The following GK5 variants were observed in gnomAD, a reference collection of about 807,000 sequenced individuals.
GK5 encodes ATP:glycerol 3-phosphotransferase 5.
GK5 carries 39 observed loss-of-function variants against 77.3 expected under a neutral mutation model. That is an observed-to-expected ratio of 0.50 (90% confidence interval 0.39 to 0.66). The LOEUF (loss-of-function observed/expected upper bound fraction) is 0.66. Ranked by LOEUF, GK5 falls within the 30% of genes least tolerant of loss-of-function variation. GK5 has a pLI of 0.00. For missense variants in GK5, 487 were observed against 633.8 expected (o/e 0.77, Z 2.49); for synonymous variants, 211 against 208.0 (o/e 1.01, Z -0.13).
chr3:142,204,574 G>A (rs757520938), intron 4 of GK5, 121 bp downstream of exon 4: 3 of 745,386 alleles, frequency 4.0e-6, no homozygotes, highest in South Asian at 1.4e-5. Context: ...ACTGGAATGG[G>A]GAGTGTGTGC....
intron 3 of GK5, among the ~76,000 whole-genome samples, chr3:142,209,040 TC>T (rs2064153623): frequency 6.6e-6 from 1 of 151,836 alleles, no homozygotes; most frequent in African/African-American, 2.4e-5. Flanking sequence ...TCCCAGCTCC[TC>T]GGGAGGCTGA....
At chr3:142,211,938 C>T (rs1231978582) in intron 3 of GK5, among the ~76,000 whole-genome samples, 2 of 152,206 alleles carry the variant, frequency 1.3e-5, no homozygotes, top group African/African-American at 2.4e-5. Context: ...CTTCTACCTA[C>T]TCTCACTACT....
At chr3:142,168,161 A>C (rs1036862364) in intron 15 of GK5, among the ~76,000 whole-genome samples, 9 of 152,246 alleles carry the variant, frequency 5.9e-5, no homozygotes, top group Non-Finnish European at 1.2e-4. Context: ...AAAAATGCTT[A>C]TGAGACCTTG....
chr3:142,176,834 TG>T (rs1168939110), intron 12 of GK5, among the ~76,000 whole-genome samples: 22 of 152,052 alleles, frequency 1.4e-4, no homozygotes, highest in African/African-American at 5.1e-4. Context: ...GCTAATTTTT[TG>T]CATTTTTAGT....
chr3:142,180,138 T>C (rs6764361), intron 11 of GK5, among the ~76,000 whole-genome samples: 54,013 of 151,866 alleles, frequency 0.36, 10,816 homozygotes, highest in African/African-American at 0.54. Flanking sequence ...GCTAAGAGTA[T>C]GGGGGGAAAT....
intron 15 of GK5, 159 bp downstream of exon 15, chr3:142,170,166 G>C: frequency 1.3e-6 from 1 of 787,740 alleles, no homozygotes; most frequent in Non-Finnish European, 2.3e-6. Flanking sequence ...AACAGAGGAG[G>C]TCACAGGATA....
At chr3:142,174,811 A>T (rs1409963122) in intron 12 of GK5, among the ~76,000 whole-genome samples, 1 of 152,248 alleles carries the variant, frequency 6.6e-6, no homozygotes, top group African/African-American at 2.4e-5. Flanking sequence ...TGGTCCAATC[A>T]GATTCTCTGC....
chr3:142,199,140 T>C (rs1388424730), intron 4 of GK5, among the ~76,000 whole-genome samples: 1 of 152,162 alleles, frequency 6.6e-6, no homozygotes, highest in Non-Finnish European at 1.5e-5. Flanking sequence ...CATATCTACT[T>C]TGAATTATTT....
intron 1 of GK5, among the ~76,000 whole-genome samples, chr3:142,215,954 G>A (rs1346380642): frequency 2.0e-5 from 3 of 152,060 alleles, no homozygotes; most frequent in Non-Finnish European, 4.4e-5. Flanking sequence ...ACAAGAAGGT[G>A]TGTTTTTAAA....
intron 1 of GK5, among the ~76,000 whole-genome samples, chr3:142,224,031 A>G (rs1304026911): frequency 6.6e-6 from 1 of 152,170 alleles, no homozygotes; most frequent in Non-Finnish European, 1.5e-5. Context: ...GCTGCTGGGA[A>G]TGGTTAGGTA....
rs144664804 is a variant in GK5 at position 142,207,653 on chromosome 3, C to G, written c.318-2865G>C. On this transcript the variant is annotated intron_variant, in intron 3 of 15. Transcript: ENST00000392993. ...AATCTCTCACTAACCTACCCCCGCC[C>G]TCACTAAACTTAATAATAAATGCTG... 4.1e-3 allele frequency among the ~76,000 whole-genome samples: 621 copies of G among 152,284 alleles called. 8 individuals carry two copies. The highest frequency in any genetic ancestry group is 0.014 in the African/African-American group (601 of 41,550).
intron 1 of GK5, among the ~76,000 whole-genome samples, chr3:142,219,112 G>A (rs1241286255): frequency 6.6e-6 from 1 of 152,204 alleles, no homozygotes; most frequent in Non-Finnish European, 1.5e-5. Context: ...CATTGTTGAT[G>A]AGAATGCAAA....
intron 5 of GK5, among the ~76,000 whole-genome samples, chr3:142,189,656 G>C (rs777562548): frequency 6.6e-6 from 1 of 152,156 alleles, no homozygotes; most frequent in African/African-American, 2.4e-5. Flanking sequence ...AGACATCAGG[G>C]CTTCCTAAGG....
intron 5 of GK5, among the ~76,000 whole-genome samples, chr3:142,190,767 C>T (rs1413024969): frequency 4.6e-5 from 7 of 152,026 alleles, no homozygotes. Flanking sequence ...AGCCTTTGGT[C>T]CAAGATCAGA....
chr3:142,188,193 T>G (rs978871951), intron 5 of GK5, among the ~76,000 whole-genome samples: 9 of 151,936 alleles, frequency 5.9e-5, no homozygotes, highest in African/African-American at 2.2e-4. Context: ...GGTCAGGAGT[T>G]CAAGACCAGC....
chr3:142,187,697 T>C lies in GK5; in HGVS notation c.619+7A>G, dbSNP rs1389965874. 4.4e-6 allele frequency: 7 copies of C among 1,592,668 alleles called. No individual in the cohort carries two copies. The Admixed American group carries it at 1.0e-4, about 23-fold the overall frequency. On this transcript the variant is annotated splice_region_variant and intron_variant, in intron 6 of 15. Coordinates refer to ENST00000392993, the MANE Select transcript of GK5 (RefSeq NM_001039547.3). ...TATTTAAAATAGATCTTTCAGGTCA[T>C]CTTTACCTTTTGTGAGCTTATATAA...
chr3:142,213,735 T>C, intron 2 of GK5, 134 bp from the exon 3 acceptor site: 1 of 599,728 alleles, frequency 1.7e-6, no homozygotes, highest in Non-Finnish European at 2.9e-6. Flanking sequence ...ACAAAACAAC[T>C]GGAATTAACA....
At chr3:142,175,712 G>C (rs757997676) in intron 12 of GK5, among the ~76,000 whole-genome samples, 1 of 152,032 alleles carries the variant, frequency 6.6e-6, no homozygotes, top group Non-Finnish European at 1.5e-5. Context: ...GCCAGTATAT[G>C]GGCAGGTTGC....
intron 5 of GK5, among the ~76,000 whole-genome samples, chr3:142,188,249 T>A (rs1259037777): frequency 6.6e-6 from 1 of 151,610 alleles, no homozygotes; most frequent in Non-Finnish European, 1.5e-5. Context: ...ATGCAAAAAA[T>A]GGCCAGGCAC....
Sources: gnomAD v4.1 joint callset for allele counts (sites outside exome capture counted in the v4.1 genomes callset) on GRCh38, gnomAD v4.1.1 for gene constraint, MANE v1.5 for transcripts, NCBI Gene and HGNC (gene_info 2026-07-23, HGNC 2026-07-21) for gene names.